The following ATG16L2 variants were observed in gnomAD, a reference collection of about 807,000 sequenced individuals.
The protein encoded by ATG16L2 is autophagy related 16 like 2, also known as protein Atg16l2.
A neutral mutation model predicts 84.7 loss-of-function variants in ATG16L2; 77 were observed. That is an observed-to-expected ratio of 0.91 (90% confidence interval 0.76 to 1.10). ATG16L2 has a LOEUF of 1.10. ATG16L2 is among the 50% of genes least tolerant of loss of function. The probability of loss-of-function intolerance (pLI) is 0.00; values close to 1 mark genes in which losing one functional copy is unlikely to be tolerated. For synonymous variants in ATG16L2, 361 were observed against 342.8 expected (o/e 1.05, Z -0.59); for missense variants, 782 against 817.6 (o/e 0.96, Z 0.53).
intron 3 of ATG16L2, chr11:72,820,086 A>G (rs1859908171): frequency 6.6e-6 from 1 of 152,208 alleles, no homozygotes; most frequent in Non-Finnish European, 1.5e-5. Flanking sequence ...AGTTCCACAC[A>G]TCACAAGCAT....
At chr11:72,816,939 GC>G in intron 2 of ATG16L2, 112 bp downstream of exon 2, 1 of 421,064 alleles carries the variant, frequency 2.4e-6, no homozygotes. Flanking sequence ...CTTGGCTGCT[GC>G]CCAGGGGTGG....
chr11:72,827,161 C>T, intron 13 of ATG16L2, 27 bp from the exon 14 acceptor site: 2 of 1,574,360 alleles, frequency 1.3e-6, no homozygotes, highest in Non-Finnish European at 1.7e-6. Flanking sequence ...TCCTCTGAGG[C>T]CCTGGGGTCT....
At chr11:72,816,172 G>C (rs1274962929) in intron 1 of ATG16L2, 1 of 152,534 alleles carries the variant, frequency 6.6e-6, no homozygotes, top group Non-Finnish European at 1.5e-5. Context: ...GTAGAGATGG[G>C]GGTTTCACCG....
chr11:72,835,851 C>T (rs1271020135), intron 5 of ATG16L2, among the ~76,000 whole-genome samples: 3 of 151,586 alleles, frequency 2.0e-5, no homozygotes, highest in East Asian at 1.9e-4. Flanking sequence ...CAGGTTCAAG[C>T]GATTCTCCTG....
At chr11:72,825,486 G>C in intron 10 of ATG16L2, 79 bp downstream of exon 10, 1 of 1,079,550 alleles carries the variant, frequency 9.3e-7, no homozygotes, top group South Asian at 1.3e-5. Context: ...GTGGGCAGAG[G>C]TCTTGGATCT....
At position 72,814,538 on chromosome 11, in the gene ATG16L2, G is replaced by T; in HGVS notation, c.93G>T (p.Ala31=). 6.3e-7 allele frequency: 1 copy of T among 1,577,216 alleles called. No individual in the cohort carries two copies. The highest frequency in any genetic ancestry group is 8.6e-7 in the Non-Finnish European group (1 of 1,160,846). The change falls in exon 1 of 18, where the codon GCG becomes GCT. Residue 31 remains alanine, a synonymous_variant. Coordinates refer to ENST00000321297, the MANE Select transcript of ATG16L2 (RefSeq NM_033388.2). ...QLRLRDRTQK[A]LFLELVPAYN... ...GGCTTCGGGACCGTACGCAAAAGGC[G>T]CTTTTCCTGGAGCTGGTGCCGGCCT...
intron 17 of ATG16L2, 80 bp downstream of exon 17, chr11:72,829,064 T>A: frequency 7.0e-7 from 1 of 1,431,902 alleles, no homozygotes; most frequent in Non-Finnish European, 9.8e-7. Context: ...ACTGGGACCC[T>A]GGAGTCCCCA....
chr11:72,821,779 C>G (rs1255861120), intron 4 of ATG16L2, 38 bp downstream of exon 4: 3 of 1,521,380 alleles, frequency 2.0e-6, no homozygotes, highest in African/African-American at 1.4e-5. Flanking sequence ...CCGCGCCCAC[C>G]TCAGGGAGGC....
intron 4 of ATG16L2, 106 bp from the exon 5 acceptor site, chr11:72,821,938 T>C: frequency 7.0e-7 from 1 of 1,425,874 alleles, no homozygotes; most frequent in Non-Finnish European, 9.2e-7. Flanking sequence ...GCCACCCGGC[T>C]AGCCGCGTTT....
At chr11:72,825,219 C>T in intron 9 of ATG16L2, 83 bp from the exon 10 acceptor site, 4 of 1,063,242 alleles carry the variant, frequency 3.8e-6, no homozygotes, top group Middle Eastern at 2.4e-4. Flanking sequence ...TGTGTCTGCA[C>T]AGGCACCGGT....
At position 72,822,168 on chromosome 11, in the gene ATG16L2, C is replaced by G; in HGVS notation, c.517C>G (p.His173Asp). 6.7e-7 allele frequency: 1 copy of G among 1,492,974 alleles called. No individual in the cohort carries two copies. Among genetic ancestry groups the G allele is most frequent in the Non-Finnish European group, 8.8e-7 (1 of 1,131,830 alleles). 92.5% of individuals were successfully genotyped at this position (1,492,974 alleles called of 1,614,324 possible). A position where few individuals can be genotyped will look rare whatever the true frequency, so the allele number is the denominator to read the frequency against. Residue 173 changes from histidine (H) to aspartate (D), a missense_variant, in exon 5 of 18, where the codon CAC becomes GAC. Physicochemically the swap from His to Asp is moderately conservative, Grantham distance 81 (BLOSUM62 -1). Transcript: ENST00000321297. This position sits in a 1 kb window ranked among gnomAD's most constrained non-coding sequence, Gnocchi z 4.2. The part of the protein sequence containing the change: ...QRAAYEALRA[H>D]VGLREAALRR... Reference sequence around the variant, plus strand: ...GGCAGCCTACGAGGCGCTGCGCGCGCACGTCGGGCTCCGGGAGGCGGCACT... The same window carrying G: ...GGCAGCCTACGAGGCGCTGCGCGCGGACGTCGGGCTCCGGGAGGCGGCACT...
rs368728875 is a variant in ATG16L2 at position 72,828,732 on chromosome 11, C to A, written c.1626C>A (p.Ala542=). ...CCCCAGCCCTGTCTGTCCTCAGGGC[C>A]GATGGCTTCAAGTGTGGTTCTGACT... ...RVSNIRQVFR[A]DGFKCGSDWT... Residue 542 remains alanine, a synonymous_variant, in exon 16 of 18, where the codon GCC becomes GCA. Transcript: ENST00000321297. 5 of 1,614,162 alleles carry A rather than the reference C, an allele frequency of 3.1e-6. No individual in the cohort carries two copies. The highest frequency in any genetic ancestry group is 4.2e-6 in the Non-Finnish European group (5 of 1,180,014).
At chr11:72,826,398 T>G (rs568701370) in intron 11 of ATG16L2, 120 bp from the exon 12 acceptor site, 1 of 1,462,882 alleles carries the variant, frequency 6.8e-7, no homozygotes, top group South Asian at 1.2e-5. Flanking sequence ...CGGAGGCTCC[T>G]TTGCCTGCCT....
intron 5 of ATG16L2, chr11:72,838,581 A>G: frequency 1.0e-5 from 6 of 585,224 alleles, no homozygotes; most frequent in Non-Finnish European, 1.8e-5. Flanking sequence ...CTATGGTAGG[A>G]GAAATGACAT....
At chr11:72,828,851 C>A in intron 16 of ATG16L2, 32 bp from the exon 17 acceptor site, 1 of 1,614,066 alleles carries the variant, frequency 6.2e-7, no homozygotes, top group Non-Finnish European at 8.5e-7. Context: ...CCTCTGACCC[C>A]CCGTTTTCTT....
Position 72,822,174 on chromosome 11 carries a change from G to A in ATG16L2, c.523G>A (p.Gly175Arg), listed in dbSNP as rs1860037543. ...AAYEALRAHV[G>R]LREAALRRLQ... is the part of the protein sequence containing the mutation. ...CTACGAGGCGCTGCGCGCGCACGTC[G>A]GGCTCCGGGAGGCGGCACTGCGCAG... is the stretch of plus-strand genomic sequence containing the variant. Residue 175 changes from glycine to arginine, a missense_variant, in exon 5 of 18, where the codon GGG (glycine) becomes AGG (arginine). By Grantham distance (125) the Gly-to-Arg change is moderately radical. Coordinates refer to ENST00000321297, the MANE Select transcript of ATG16L2 (RefSeq NM_033388.2). This position sits in a 1 kb window ranked among gnomAD's most constrained non-coding sequence, Gnocchi z 4.2. 6.7e-7 allele frequency: 1 copy of A among 1,495,524 alleles called. No individual in the cohort carries two copies. The highest frequency in any genetic ancestry group is 2.6e-5 in the East Asian group (1 of 38,242). 92.6% of individuals were successfully genotyped at this position (1,495,524 alleles called of 1,614,324 possible).
chr11:72,824,755 C>A lies in ATG16L2; in HGVS notation c.909C>A (p.His303Gln). 6.2e-7 allele frequency: 1 copy of A among 1,613,954 alleles called. No individual in the cohort carries two copies. ...CCAGTTTTAAGAAGAGGAGAGGTCACTCAATTGGGGGAGCCCCTGAGCAGC... is the reference window on the plus strand; with the variant it reads ...CCAGTTTTAAGAAGAGGAGAGGTCAATCAATTGGGGGAGCCCCTGAGCAGC... ...GLLDFKKRRG[H>Q]SIGGAPEQRY... The change falls in exon 9 of 18, where the codon CAC becomes CAA. Residue 303 changes from histidine (H) to glutamine (Q), a missense_variant. Physicochemically the swap from His to Gln is conservative, Grantham distance 24. Transcript: ENST00000321297.
chr11:72,837,571 G>C (rs1860769064), intron 5 of ATG16L2: 1 of 152,152 alleles, frequency 6.6e-6, no homozygotes, highest in Non-Finnish European at 1.5e-5. Context: ...CACCTGACGT[G>C]GGGGCACCTG....
intron 1 of ATG16L2, chr11:72,815,907 G>A (rs1404721609): frequency 6.6e-6 from 1 of 152,226 alleles, no homozygotes. Context: ...ATGTCGGCTG[G>A]ATAATTGCTC....
Sources: gnomAD v4.1 joint callset for allele counts (sites outside exome capture counted in the v4.1 genomes callset) on GRCh38, gnomAD v4.1.1 for gene constraint, Gnocchi (gnomAD v3.1) non-coding constraint, MANE v1.5 for transcripts, NCBI Gene and HGNC (gene_info 2026-07-23, HGNC 2026-07-21) for gene names.